The following SDK2 variants were observed in gnomAD, a reference collection of about 807,000 sequenced individuals.
SDK2 encodes sidekick cell adhesion molecule 2.
A neutral mutation model predicts 253.9 loss-of-function variants in SDK2; 105 were observed. The observed-to-expected ratio is 0.41, with a 90% CI of 0.35 to 0.49. The LOEUF is 0.49. Ranked by LOEUF, SDK2 falls within the 20% of genes least tolerant of loss-of-function variation. The pLI is 0.06. For missense variants in SDK2, 2,608 were observed against 3,003.0 expected (o/e 0.87, Z 3.07); for synonymous variants, 1,249 against 1,234.9 (o/e 1.01, Z -0.24).
intron 1 of SDK2, among the ~76,000 whole-genome samples, chr17:73,636,786 G>A (rs927191999): frequency 1.3e-5 from 2 of 151,350 alleles, no homozygotes; most frequent in Non-Finnish European, 2.9e-5. Flanking sequence ...GAGAAGAAAA[G>A]CCGTCTTAAT....
At chr17:73,575,732 C>T (rs993548775) in intron 1 of SDK2, among the ~76,000 whole-genome samples, 10 of 152,204 alleles carry the variant, frequency 6.6e-5, no homozygotes, top group Non-Finnish European at 1.2e-4. Context: ...GTTGAATAGA[C>T]AATCTTTGTG....
chr17:73,468,156 C>T (rs368232624), intron 3 of SDK2, among the ~76,000 whole-genome samples: 8 of 152,074 alleles, frequency 5.3e-5, no homozygotes, highest in African/African-American at 9.7e-5. Context: ...AGGATGGCAC[C>T]GGGGAAGGTG....
chr17:73,498,725 C>T (rs2063862893), intron 2 of SDK2, among the ~76,000 whole-genome samples: 2 of 152,164 alleles, frequency 1.3e-5, no homozygotes, highest in South Asian at 2.1e-4. Context: ...AAGTAAAAGT[C>T]GCAGTGTGGG....
At position 73,534,738 on chromosome 17, in the gene SDK2, G is replaced by C. The variant is rs1473289349; in HGVS notation, c.65-27141C>G. 6.6e-6 allele frequency among the ~76,000 whole-genome samples: 1 copy of C among 152,120 alleles called. No individual in the cohort carries two copies. Among genetic ancestry groups the C allele is most frequent in the Non-Finnish European group, 1.5e-5 (1 of 68,018 alleles). On this transcript the variant is annotated intron_variant, in intron 1 of 44. Transcript: ENST00000392650. The surrounding 1 kb of genome is among the most constrained non-coding windows in gnomAD (Gnocchi z 4.9). ...TTGCCTGACAGCTGAGAGTGGAGTA[G>C]GCCTAGGCCCTGACCTTTCTTCCTC...
Position 73,534,675 on chromosome 17 carries a change from C to A in SDK2, c.65-27078G>T, listed in dbSNP as rs1346235475. Among the ~76,000 whole-genome samples the A allele has an allele frequency of 6.6e-6, 1 of 152,116 alleles. No homozygotes were observed. The highest frequency in any genetic ancestry group is 1.5e-5 in the Non-Finnish European group (1 of 68,018). ...CTCTGGTGAGGAGGTGTGACTGCAT[C>A]CTAGAGGTCTCTGCAGCCTGGGATT... is the stretch of plus-strand genomic sequence containing the variant. On this transcript the variant is annotated intron_variant, in intron 1 of 44. Coordinates refer to ENST00000392650, the MANE Select transcript of SDK2 (RefSeq NM_001144952.2). This position sits in a 1 kb window ranked among gnomAD's most constrained non-coding sequence, Gnocchi z 4.9.
At chr17:73,375,499 G>A (rs771363514) in intron 36 of SDK2, among the ~76,000 whole-genome samples, 2 of 151,966 alleles carry the variant, frequency 1.3e-5, no homozygotes, top group Non-Finnish European at 2.9e-5. Context: ...CACCCACCTC[G>A]GCCTTTCAAA....
intron 1 of SDK2, among the ~76,000 whole-genome samples, chr17:73,510,060 TCTC>T (rs930335328): frequency 2.0e-5 from 3 of 151,666 alleles, no homozygotes; most frequent in African/African-American, 7.3e-5. Context: ...CAGCGGGCCT[TCTC>T]CTGCACCCCA....
chr17:73,637,483 A>G (rs62063638), intron 1 of SDK2, among the ~76,000 whole-genome samples: 33,667 of 152,158 alleles, frequency 0.22, 4,104 homozygotes, highest in South Asian at 0.28. Context: ...GGTTCAAGCA[A>G]TTCTCCTGCC....
chr17:73,432,474 G>T lies in SDK2; in HGVS notation c.1313-805C>A, dbSNP rs556127586. On this transcript the variant is annotated intron_variant, in intron 10 of 44. Coordinates refer to ENST00000392650, the MANE Select transcript of SDK2 (RefSeq NM_001144952.2). ...TGGATGTGTTTATTTCCATGTGTAAGCACGTGCCTAGGTGTGCCCCTATTA... is the reference window on the plus strand; with the variant it reads ...TGGATGTGTTTATTTCCATGTGTAATCACGTGCCTAGGTGTGCCCCTATTA... Among the ~76,000 whole-genome samples, 507 of 152,274 alleles carry T rather than the reference G, an allele frequency of 3.3e-3. 2 individuals are homozygous for T. Among genetic ancestry groups the T allele is most frequent in the Non-Finnish European group, 6.0e-3 (408 of 68,018 alleles).
intron 44 of SDK2, among the ~76,000 whole-genome samples, 174 bp from the exon 45 acceptor site, chr17:73,339,114 C>T (rs2062409331): frequency 6.6e-6 from 1 of 152,196 alleles, no homozygotes. Flanking sequence ...CCCGTTTGTG[C>T]CCGCCTGCTG....
intron 30 of SDK2, among the ~76,000 whole-genome samples, chr17:73,387,305 A>G (rs2062880529): frequency 6.6e-6 from 1 of 152,170 alleles, no homozygotes; most frequent in African/African-American, 2.4e-5. Flanking sequence ...GAGGTTCTCA[A>G]GAGTTAAGCA....
chr17:73,629,305 C>G lies in SDK2; in HGVS notation c.64+14720G>C, dbSNP rs2046240510. ...GAAAGACCACAAGCCCCAGACGCAT[C>G]TGCCTGTCCCACATGTGCTTAGATG... On this transcript the variant is annotated intron_variant, in intron 1 of 44. Coordinates refer to ENST00000392650, the MANE Select transcript of SDK2 (RefSeq NM_001144952.2). This position sits in a 1 kb window ranked among gnomAD's most constrained non-coding sequence, Gnocchi z 5.0. Among the ~76,000 whole-genome samples, 1 of 152,208 alleles carries G rather than the reference C, an allele frequency of 6.6e-6. No homozygotes were observed. Among genetic ancestry groups the G allele is most frequent in the African/African-American group, 2.4e-5 (1 of 41,448 alleles).
At chr17:73,514,423 T>C (rs1037827931) in intron 1 of SDK2, among the ~76,000 whole-genome samples, 1 of 152,208 alleles carries the variant, frequency 6.6e-6, no homozygotes, top group African/African-American at 2.4e-5. Context: ...ACTTTTCCCC[T>C]TCTCTGCAAA....
chr17:73,427,642 C>CAAAAAAAAAA (rs9302965), intron 12 of SDK2, among the ~76,000 whole-genome samples: 8 of 105,784 alleles, frequency 7.6e-5, no homozygotes, highest in East Asian at 2.9e-4. Flanking sequence ...CATCCACATG[C>CAAAAAAAAAA]AAAAAAAAAA....
At chr17:73,537,118 TGTGCGGGCGC>T (rs766721951) in intron 1 of SDK2, among the ~76,000 whole-genome samples, 16 of 152,130 alleles carry the variant, frequency 1.1e-4, no homozygotes, top group Admixed American at 9.8e-4. Flanking sequence ...CGTGCGTGCG[TGTGCGGGCGC>T]GCATCATGTG....
intron 37 of SDK2, among the ~76,000 whole-genome samples, chr17:73,366,740 C>A (rs1317718973): frequency 6.6e-6 from 1 of 152,118 alleles, no homozygotes; most frequent in Non-Finnish European, 1.5e-5. Flanking sequence ...GCCTGCCCTG[C>A]CTGTCCACGG....
intron 1 of SDK2, among the ~76,000 whole-genome samples, chr17:73,525,331 G>A (rs1947409037): frequency 6.6e-6 from 1 of 152,216 alleles, no homozygotes; most frequent in Middle Eastern, 3.2e-3. Flanking sequence ...GGCACAGCAG[G>A]CAGGAGGGCA....
At chr17:73,382,516 C>T (rs1041435726) in intron 33 of SDK2, among the ~76,000 whole-genome samples, 1 of 152,202 alleles carries the variant, frequency 6.6e-6, no homozygotes, top group Non-Finnish European at 1.5e-5. Flanking sequence ...CTGGGAAAAC[C>T]TCAGTTTTTT....
intron 24 of SDK2, among the ~76,000 whole-genome samples, chr17:73,397,432 G>A (rs977303099): frequency 2.0e-5 from 3 of 152,168 alleles, no homozygotes; most frequent in Non-Finnish European, 2.9e-5. Context: ...GGGAGGATAC[G>A]GGAGAACTTG....
Sources: allele counts gnomAD v4.1 joint callset (sites outside exome capture counted in the v4.1 genomes callset), GRCh38; gene constraint gnomAD v4.1.1; non-coding constraint Gnocchi (gnomAD v3.1); transcripts MANE v1.5; gene names NCBI Gene and HGNC (gene_info 2026-07-23, HGNC 2026-07-21).